The following NPAS3 variants were observed in gnomAD, a reference collection of about 807,000 sequenced individuals.
The protein encoded by NPAS3 is neuronal PAS domain-containing protein 3.
In NPAS3, 14 loss-of-function variants were observed where a neutral mutation model predicts 73.1. The ratio of observed to expected loss-of-function variants is 0.19; its 90% CI spans 0.13 to 0.30. The LOEUF (loss-of-function observed/expected upper bound fraction) is 0.30. NPAS3 is among the 10% of genes least tolerant of loss of function. The pLI is 1.00. For synonymous variants in NPAS3, 620 were observed against 541.5 expected (o/e 1.14, Z -2.01); for missense variants, 1,096 against 1,250.0 (o/e 0.88, Z 1.86).
chr14:33,532,497 C>T (rs2054089192), intron 4 of NPAS3, among the ~76,000 whole-genome samples: 1 of 152,042 alleles, frequency 6.6e-6, no homozygotes, highest in Non-Finnish European at 1.5e-5. Context: ...CAGGTGTTAG[C>T]TGTATTTCCT....
chr14:33,341,306 C>T (rs1445209892), intron 3 of NPAS3, among the ~76,000 whole-genome samples: 1 of 152,150 alleles, frequency 6.6e-6, no homozygotes, highest in African/African-American at 2.4e-5. Context: ...AAATTCTTTC[C>T]AGCCTGAAAT....
At chr14:33,301,228 C>T (rs182805413) in intron 3 of NPAS3, among the ~76,000 whole-genome samples, 12 of 149,702 alleles carry the variant, frequency 8.0e-5, no homozygotes, top group East Asian at 3.9e-4. Flanking sequence ...ATCCCCCTGA[C>T]GCTGCCTGAG....
chr14:33,142,756 T>G (rs1032945900), intron 2 of NPAS3, among the ~76,000 whole-genome samples: 1 of 152,356 alleles, frequency 6.6e-6, no homozygotes, highest in East Asian at 1.9e-4. Flanking sequence ...ATATCTATAT[T>G]TGTTCATGCA....
At chr14:33,412,362 T>C (rs1377598202) in intron 4 of NPAS3, among the ~76,000 whole-genome samples, 4 of 152,118 alleles carry the variant, frequency 2.6e-5, no homozygotes, top group African/African-American at 7.2e-5. Flanking sequence ...TCAAGTTACC[T>C]GCCCACCTCA....
At chr14:33,627,400 A>G (rs1443656885) in intron 5 of NPAS3, among the ~76,000 whole-genome samples, 7 of 152,160 alleles carry the variant, frequency 4.6e-5, no homozygotes, top group Non-Finnish European at 8.8e-5. Flanking sequence ...AATACTCTTC[A>G]CTATTTCTGT....
At chr14:33,711,722 A>G (rs1174641799) in intron 6 of NPAS3, among the ~76,000 whole-genome samples, 1 of 152,122 alleles carries the variant, frequency 6.6e-6, no homozygotes, top group Non-Finnish European at 1.5e-5. Flanking sequence ...GGCAAGTGTC[A>G]GGTTAAAGGG....
chr14:33,659,851 A>G (rs1209927403), intron 5 of NPAS3, among the ~76,000 whole-genome samples: 1 of 152,178 alleles, frequency 6.6e-6, no homozygotes, highest in Non-Finnish European at 1.5e-5. Flanking sequence ...AATACATCTC[A>G]GAAAAATCAA....
intron 3 of NPAS3, among the ~76,000 whole-genome samples, chr14:33,337,760 G>A (rs2044293909): frequency 6.6e-6 from 1 of 151,936 alleles, no homozygotes; most frequent in Non-Finnish European, 1.5e-5. Context: ...ATATTTATCA[G>A]CAATGTTTTG....
At chr14:33,632,785 C>T (rs1333833336) in intron 5 of NPAS3, among the ~76,000 whole-genome samples, 11 of 152,202 alleles carry the variant, frequency 7.2e-5, no homozygotes, top group Non-Finnish European at 1.5e-4. Context: ...TCATGCCAAA[C>T]TAATGTGCTG....
chr14:33,783,814 A>G (rs894227288), intron 9 of NPAS3, among the ~76,000 whole-genome samples: 1 of 152,186 alleles, frequency 6.6e-6, no homozygotes, highest in Admixed American at 6.5e-5. Flanking sequence ...CAGAATCTGC[A>G]GTTAGCAAGA....
intron 5 of NPAS3, among the ~76,000 whole-genome samples, chr14:33,584,357 G>A (rs576272092): frequency 6.6e-6 from 1 of 150,842 alleles, no homozygotes; most frequent in African/African-American, 2.4e-5. Context: ...AGGGTCCAGA[G>A]TAGAACAAAG....
intron 2 of NPAS3, among the ~76,000 whole-genome samples, chr14:33,100,725 A>G (rs936472991): frequency 1.3e-5 from 2 of 152,138 alleles, no homozygotes; most frequent in African/African-American, 2.4e-5. Context: ...CCCCTGATCT[A>G]TGTTTTACAG....
chr14:33,441,750 G>A (rs919177500), intron 4 of NPAS3, among the ~76,000 whole-genome samples: 1 of 152,156 alleles, frequency 6.6e-6, no homozygotes, highest in East Asian at 1.9e-4. Flanking sequence ...GTTTCACGTG[G>A]CTGGGGAGGC....
chr14:33,269,091 T>C (rs898419710), intron 3 of NPAS3, among the ~76,000 whole-genome samples: 2 of 152,214 alleles, frequency 1.3e-5, no homozygotes, highest in African/African-American at 2.4e-5. Flanking sequence ...AGGACTTTGA[T>C]ACATAGTCGC....
intron 6 of NPAS3, among the ~76,000 whole-genome samples, chr14:33,699,832 C>G (rs1465009413): frequency 6.6e-6 from 1 of 152,136 alleles, no homozygotes; most frequent in South Asian, 2.1e-4. Context: ...CACGGCACAG[C>G]TAATGACCTG....
At chr14:33,336,419 C>A (rs1328336668) in intron 3 of NPAS3, among the ~76,000 whole-genome samples, 2 of 152,192 alleles carry the variant, frequency 1.3e-5, no homozygotes, top group African/African-American at 4.8e-5. Flanking sequence ...TTTTGGCTAT[C>A]AGCTAGGGAC....
At chr14:33,199,126 C>T (rs2046508297) in intron 2 of NPAS3, among the ~76,000 whole-genome samples, 1 of 152,196 alleles carries the variant, frequency 6.6e-6, no homozygotes, top group Non-Finnish European at 1.5e-5. Flanking sequence ...CCTCTCCCTC[C>T]ACACCTCCCC....
chr14:33,758,050 A>C (rs1355260310), intron 7 of NPAS3, among the ~76,000 whole-genome samples: 8 of 152,172 alleles, frequency 5.3e-5, no homozygotes, highest in Non-Finnish European at 1.0e-4. Context: ...TCACACTCCT[A>C]AATCTCAGGT....
chr14:33,064,810 G>A (rs924024267), intron 2 of NPAS3, among the ~76,000 whole-genome samples: 2 of 152,160 alleles, frequency 1.3e-5, no homozygotes, highest in African/African-American at 4.8e-5. Context: ...ATACAATGGT[G>A]TGTGTTTCTA....
Sources: gnomAD v4.1 joint callset for allele counts (sites outside exome capture counted in the v4.1 genomes callset) on GRCh38, gnomAD v4.1.1 for gene constraint, MANE v1.5 for transcripts, NCBI Gene and HGNC (gene_info 2026-07-23, HGNC 2026-07-21) for gene names.